NFATC2: variants seen among roughly 807,000 people sequenced by gnomAD.
NFATC2 encodes the protein nuclear factor of activated T-cells, cytoplasmic 2.
A neutral mutation model predicts 87.3 loss-of-function variants in NFATC2; 22 were observed. The observed-to-expected ratio is 0.25, with a 90% confidence interval of 0.18 to 0.36. NFATC2 has a LOEUF of 0.36. Among genes scored for constraint, NFATC2 ranks in the 10% least tolerant of loss-of-function variants. The pLI, the probability that NFATC2 is intolerant of heterozygous loss-of-function variation, is 1.00. For missense variants in NFATC2, 1,149 were observed against 1,259.1 expected, an observed-to-expected ratio of 0.91 and a Z score of 1.32; for synonymous variants, 565 against 542.2, an observed-to-expected ratio of 1.04 and a Z score of -0.58.
intron 6 of NFATC2, among the ~76,000 whole-genome samples, chr20:51,453,133 C>T (rs1228609122): frequency 1.3e-5 from 2 of 152,280 alleles, no homozygotes; most frequent in Non-Finnish European, 2.9e-5. Context: ...CGTCATCAAA[C>T]CCTTTTAAAA....
chr20:51,526,400 G>A (rs1221489160), intron 1 of NFATC2, among the ~76,000 whole-genome samples: 1 of 152,144 alleles, frequency 6.6e-6, no homozygotes, highest in African/African-American at 2.4e-5. Flanking sequence ...GGCCCCCAAA[G>A]CCTGAAATAT....
intron 9 of NFATC2, among the ~76,000 whole-genome samples, chr20:51,416,670 A>G (rs1167141957): frequency 1.3e-5 from 2 of 152,180 alleles, no homozygotes; most frequent in South Asian, 2.1e-4. Context: ...GCTGCTCTCT[A>G]TGGAGTGCTG....
In NFATC2 at chr20:51,391,372, G is replaced by A; in HGVS notation, c.*124C>T. On this transcript the variant is annotated 3_prime_UTR_variant, in exon 11 of 11. Transcript: ENST00000371564. ...GGGCTCCGAGGGGTCAGATACAGAA[G>A]GTGTCTTGCTATAATGGCTTCTTTT... 1 of 1,601,210 alleles carries A rather than the reference G, an allele frequency of 6.2e-7. No individual in the cohort carries two copies. The highest frequency in any genetic ancestry group is 1.1e-5 in the South Asian group (1 of 90,920).
At position 51,475,667 on chromosome 20, in the gene NFATC2, G is replaced by A. The variant is rs745748726; in HGVS notation, c.1333-7C>T. Reference sequence around the variant, plus strand: ...TTTCCATGTAGCCATGGAGCTGGTGGGGGAGAAAACAAAATCATTAAGGTG... The same window carrying A: ...TTTCCATGTAGCCATGGAGCTGGTGAGGGAGAAAACAAAATCATTAAGGTG... On this transcript the variant is annotated splice_polypyrimidine_tract_variant and splice_region_variant and intron_variant, in intron 3 of 10. Transcript: ENST00000371564. 68 of 1,613,760 alleles carry A rather than the reference G, an allele frequency of 4.2e-5. No homozygotes were observed. Among genetic ancestry groups the A allele is most frequent in the Non-Finnish European group, 5.7e-5 (67 of 1,179,906 alleles).
At position 51,505,368 on chromosome 20, in the gene NFATC2, A is replaced by G. The variant is rs566573981; in HGVS notation, c.1332+11416T>C. On this transcript the variant is annotated intron_variant, in intron 3 of 10. Transcript: ENST00000371564. ...GAATACACATTAAAGAGCTAAAAAT[A>G]AAGTAAAATAATTGAATAAAAATAC... 1.8e-4 allele frequency among the ~76,000 whole-genome samples: 27 copies of G among 152,122 alleles called. No homozygotes were observed. In the East Asian group the frequency reaches 5.0e-3, roughly 28 times the overall value.
chr20:51,527,830 G>T (rs2076569501), intron 1 of NFATC2, among the ~76,000 whole-genome samples: 1 of 152,126 alleles, frequency 6.6e-6, no homozygotes, highest in Non-Finnish European at 1.5e-5. Flanking sequence ...GCCAGTCATG[G>T]TGGCTCACAC....
intron 1 of NFATC2, among the ~76,000 whole-genome samples, chr20:51,556,301 T>A (rs1166790832): frequency 6.6e-6 from 1 of 152,198 alleles, no homozygotes; most frequent in Non-Finnish European, 1.5e-5. Flanking sequence ...TTTGTGGTCA[T>A]TTGTTATAGC....
At chr20:51,410,629 C>T (rs1979084404) in intron 9 of NFATC2, among the ~76,000 whole-genome samples, 1 of 151,756 alleles carries the variant, frequency 6.6e-6, no homozygotes, top group Admixed American at 6.6e-5. Context: ...GGAAGGAAGG[C>T]AGTGGGGAAG....
Position 51,523,127 on chromosome 20 carries a change from G to C in NFATC2, c.1114C>G (p.Pro372Ala). ...ACCAGCGGCTTGGGCCAAGTGGGCGGAACCAGCAGGATGGATTCTGGAGCC... is the reference window on the plus strand; with the variant it reads ...ACCAGCGGCTTGGGCCAAGTGGGCGCAACCAGCAGGATGGATTCTGGAGCC... ...NSAPESILLV[P>A]PTWPKPLVPA... is the part of the protein sequence containing the mutation. Residue 372 changes from proline to alanine, a missense_variant, in exon 2 of 11, where the codon CCG becomes GCG. Physicochemically the swap from Pro to Ala is conservative, Grantham distance 27. Transcript: ENST00000371564. The surrounding 1 kb of genome is among the most constrained non-coding windows in gnomAD (Gnocchi z 6.9). 6 of 1,614,230 alleles carry C rather than the reference G, an allele frequency of 3.7e-6. No homozygotes were observed. Among genetic ancestry groups the C allele is most frequent in the Non-Finnish European group, 5.1e-6 (6 of 1,180,042 alleles).
chr20:51,469,134 C>T (rs1987966647), intron 5 of NFATC2, among the ~76,000 whole-genome samples: 1 of 152,048 alleles, frequency 6.6e-6, no homozygotes, highest in Non-Finnish European at 1.5e-5. Flanking sequence ...GCAATCTGCC[C>T]ACCTCAGGCC....
chr20:51,553,031 C>T (rs2076947103), intron 1 of NFATC2, among the ~76,000 whole-genome samples: 1 of 151,718 alleles, frequency 6.6e-6, no homozygotes, highest in African/African-American at 2.4e-5. Context: ...GTCGAACTAA[C>T]ATTTTTAAAT....
intron 1 of NFATC2, among the ~76,000 whole-genome samples, chr20:51,537,133 C>T (rs1448258105): frequency 6.6e-6 from 1 of 151,808 alleles, no homozygotes; most frequent in Non-Finnish European, 1.5e-5. Flanking sequence ...TGTTCCTACA[C>T]TGAAGTGCCA....
chr20:51,516,125 T>A (rs2076346708), intron 3 of NFATC2, among the ~76,000 whole-genome samples: 1 of 151,958 alleles, frequency 6.6e-6, no homozygotes, highest in Non-Finnish European at 1.5e-5. Context: ...CACACTTCTC[T>A]ACTTATTTTG....
intron 1 of NFATC2, among the ~76,000 whole-genome samples, chr20:51,530,027 C>T (rs1328347922): frequency 1.3e-5 from 2 of 152,038 alleles, no homozygotes; most frequent in Non-Finnish European, 2.9e-5. Flanking sequence ...CTTGCTACCA[C>T]CAACATAATC....
upstream of NFATC2, among the ~76,000 whole-genome samples, chr20:51,547,142 TTC>T (rs1490753908): frequency 1.3e-5 from 2 of 151,998 alleles, no homozygotes; most frequent in Non-Finnish European, 2.9e-5. Flanking sequence ...TGGCTCTGGG[TTC>T]TCTGAGGATG....
At chr20:51,424,542 A>G (rs1393602343) in intron 9 of NFATC2, among the ~76,000 whole-genome samples, 1 of 152,174 alleles carries the variant, frequency 6.6e-6, no homozygotes, top group Non-Finnish European at 1.5e-5. Context: ...ATTATAAGTG[A>G]CTTGGCCAAA....
chr20:51,542,210 G>A (rs753339049), intron 1 of NFATC2, among the ~76,000 whole-genome samples, 160 bp downstream of exon 1: 6 of 152,142 alleles, frequency 3.9e-5, no homozygotes, highest in African/African-American at 7.2e-5. Context: ...GGTGGCAGGG[G>A]CCACTGACGC....
chr20:51,531,149 G>A (rs539219487), intron 1 of NFATC2, among the ~76,000 whole-genome samples: 123 of 152,268 alleles, frequency 8.1e-4, no homozygotes, highest in African/African-American at 2.7e-3. Context: ...TCCAGGCATC[G>A]CCAAACATCT....
intron 9 of NFATC2, among the ~76,000 whole-genome samples, chr20:51,399,700 C>A (rs755994211): frequency 3.9e-5 from 6 of 152,184 alleles, no homozygotes; most frequent in Admixed American, 1.3e-4. Flanking sequence ...CCTTTTCTGA[C>A]CATGCATCTC....
Sources: gnomAD v4.1 joint callset for allele counts (sites outside exome capture counted in the v4.1 genomes callset) on GRCh38, gnomAD v4.1.1 for gene constraint, Gnocchi (gnomAD v3.1) non-coding constraint, MANE v1.5 for transcripts, NCBI Gene and HGNC (gene_info 2026-07-23, HGNC 2026-07-21) for gene names.